Variants in SIDT1 observed in about 807,000 individuals in gnomAD.
SIDT1 encodes SID1 transmembrane family, member 1.
A neutral mutation model predicts 107.5 loss-of-function variants in SIDT1; 101 were observed. The ratio of observed to expected loss-of-function variants is 0.94; its 90% CI spans 0.80 to 1.11. The LOEUF (loss-of-function observed/expected upper bound fraction) is 1.11. Ranked by LOEUF, SIDT1 falls within the 50% of genes least tolerant of loss-of-function variation. The pLI is 0.00. For missense variants in SIDT1, 1,076 were observed against 1,058.2 expected (o/e 1.02, Z -0.23); for synonymous variants, 395 against 398.2 (o/e 0.99, Z 0.10).
chr3:113,553,838 G>T (rs1940546336), intron 1 of SIDT1, among the ~76,000 whole-genome samples: 1 of 152,170 alleles, frequency 6.6e-6, no homozygotes, highest in Non-Finnish European at 1.5e-5. Flanking sequence ...CTGGGGCCAG[G>T]AGTTCAAGAC....
rs1028026650 is a variant in SIDT1, at chr3:113,539,191, T to C, written c.222+5948T>C. ...CCTAATAGCCTATAATGATGATCAA[T>C]GAGATTTTACTTAGCATAATCATGA... On this transcript the variant is annotated intron_variant, in intron 1 of 24. Transcript: ENST00000264852. 5.3e-5 allele frequency among the ~76,000 whole-genome samples: 8 copies of C among 152,364 alleles called. No individual in the cohort carries two copies. In the East Asian group the frequency reaches 1.5e-3, roughly 29 times the overall value.
intron 10 of SIDT1, among the ~76,000 whole-genome samples, chr3:113,595,770 C>T (rs77961126): frequency 3.9e-5 from 6 of 152,044 alleles, no homozygotes; most frequent in Non-Finnish European, 7.4e-5. Context: ...AAATAAGGAA[C>T]CTTTGTAAGG....
rs147079482 is a variant in SIDT1 at position 113,585,010 on chromosome 3, C to T, written c.908-167C>T. On this transcript the variant is annotated intron_variant, in intron 8 of 24. Coordinates refer to ENST00000264852, the MANE Select transcript of SIDT1 (RefSeq NM_017699.3). ...AAGTCATCATTGTGAAAGGTAGCTA[C>T]TGTGGATAATGTCTGGGGACCTCCA... Among the ~76,000 whole-genome samples, 392 of 152,306 alleles carry T rather than the reference C, an allele frequency of 2.6e-3. 1 individual carries two copies. The highest frequency in any genetic ancestry group is 8.9e-3 in the African/African-American group (368 of 41,558).
rs768563685 is a variant in SIDT1, at chr3:113,532,814, C to A, written c.-208C>A. 64 of 402,338 alleles carry A rather than the reference C, an allele frequency of 1.6e-4. No homozygotes were observed. The highest frequency in any genetic ancestry group is 2.7e-4 in the Non-Finnish European group (62 of 229,882). The allele number at this position is 402,338 out of a possible 1,614,324, so 24.9% of individuals were successfully genotyped here. On this transcript the variant is annotated 5_prime_UTR_variant, in exon 1 of 25. Coordinates refer to ENST00000264852, the MANE Select transcript of SIDT1 (RefSeq NM_017699.3). ...GTCCGCCCTACTCTCCACCCGTGAC[C>A]TCCAGTGGAGACCCCAGGCGGCAGC...
intron 24 of SIDT1, among the ~76,000 whole-genome samples, chr3:113,627,408 A>G (rs1946929107): frequency 6.6e-6 from 1 of 152,230 alleles, no homozygotes; most frequent in African/African-American, 2.4e-5. Context: ...ATTACCAACT[A>G]TATCTCCATA....
chr3:113,594,506 A>T (rs1385829648), intron 10 of SIDT1, among the ~76,000 whole-genome samples: 2 of 152,124 alleles, frequency 1.3e-5, no homozygotes, highest in African/African-American at 4.8e-5. Flanking sequence ...CTGAATGGTT[A>T]GTCTGTTATT....
In SIDT1 at chr3:113,532,873, G is replaced by A. The variant is rs1376031640; in HGVS notation, c.-149G>A. The stretch of plus-strand genomic sequence containing the variant: ...TTGATCGGCCCTTCGTCAGCACGCT[G>A]CCAGCCCTGGCCGGCTGGGTTCGCC... On this transcript the variant is annotated 5_prime_UTR_variant, in exon 1 of 25. Coordinates refer to ENST00000264852, the MANE Select transcript of SIDT1 (RefSeq NM_017699.3). The A allele has an allele frequency of 2.5e-5, 12 of 479,768 alleles. No individual in the cohort carries two copies. The highest frequency in any genetic ancestry group is 6.1e-5 in the African/African-American group (3 of 49,110). 29.7% of individuals were successfully genotyped at this position (479,768 alleles called of 1,614,324 possible).
chr3:113,619,369 C>T (rs1946310285), intron 20 of SIDT1, among the ~76,000 whole-genome samples: 1 of 152,136 alleles, frequency 6.6e-6, no homozygotes, highest in Non-Finnish European at 1.5e-5. Context: ...CAACACATAC[C>T]ACCAGCCTCT....
chr3:113,582,782 T>A (rs1190381353), intron 6 of SIDT1, among the ~76,000 whole-genome samples: 3 of 151,490 alleles, frequency 2.0e-5, no homozygotes, highest in Non-Finnish European at 4.4e-5. Context: ...ATGCCTGAAA[T>A]AAAAAAAATA....
At chr3:113,579,378 A>G (rs183495419) in intron 4 of SIDT1, among the ~76,000 whole-genome samples, 41 of 152,356 alleles carry the variant, frequency 2.7e-4, no homozygotes, top group Admixed American at 1.0e-3. Flanking sequence ...AACAGTAATC[A>G]TAGTAATGCT....
chr3:113,565,483 G>A (rs1941815732), intron 1 of SIDT1, among the ~76,000 whole-genome samples: 1 of 152,056 alleles, frequency 6.6e-6, no homozygotes, highest in Non-Finnish European at 1.5e-5. Context: ...CCAAGATCAT[G>A]CCACTGCACT....
intron 10 of SIDT1, among the ~76,000 whole-genome samples, chr3:113,594,134 A>G (rs187974249): frequency 8.0e-4 from 122 of 151,886 alleles, no homozygotes; most frequent in Non-Finnish European, 1.4e-3. Flanking sequence ...ACTTTAACTC[A>G]CCCCCTACCC....
chr3:113,540,340 T>G (rs1263035541), intron 1 of SIDT1, among the ~76,000 whole-genome samples: 1 of 152,126 alleles, frequency 6.6e-6, no homozygotes, highest in East Asian at 1.9e-4. Context: ...TCAGCATGAG[T>G]CTTGGGGGAC....
chr3:113,601,657 T>C lies in SIDT1; in HGVS notation c.1115T>C (p.Ile372Thr). ...STPEGSNYGT[I>T]DESSSSPGRQ... The stretch of plus-strand genomic sequence containing the variant: ...CCCGAAGGGAGCAATTATGGGACAA[T>C]AGGTATGTCCTACCAGGTCTGTTCA... Residue 372 changes from isoleucine (I) to threonine (T), a missense_variant and splice_region_variant, in exon 11 of 25, where the codon ATA becomes ACA. Coordinates refer to ENST00000264852, the MANE Select transcript of SIDT1 (RefSeq NM_017699.3). The C allele has an allele frequency of 6.2e-7, 1 of 1,605,396 alleles. No homozygotes were observed. Among genetic ancestry groups the C allele is most frequent in the Non-Finnish European group, 8.5e-7 (1 of 1,172,104 alleles).
At chr3:113,606,633 C>T (rs568969088) in intron 14 of SIDT1, 3 of 155,144 alleles carry the variant, frequency 1.9e-5, no homozygotes, top group Admixed American at 1.3e-4. Flanking sequence ...GTCTACCTGC[C>T]TCATGTTTAC....
intron 3 of SIDT1, among the ~76,000 whole-genome samples, chr3:113,573,481 A>G (rs532679013): frequency 6.6e-6 from 1 of 152,340 alleles, no homozygotes; most frequent in South Asian, 2.1e-4. Context: ...TAAGGGGCTG[A>G]GTAGACACAG....
intron 4 of SIDT1, 65 bp from the exon 5 acceptor site, chr3:113,580,543 A>G: frequency 2.0e-6 from 2 of 999,962 alleles, no homozygotes; most frequent in Non-Finnish European, 3.2e-6. Context: ...TTTTGTGCCT[A>G]ATAGTAGAGG....
intron 3 of SIDT1, among the ~76,000 whole-genome samples, chr3:113,571,699 C>G (rs1942471563): frequency 6.6e-6 from 1 of 152,136 alleles, no homozygotes; most frequent in Non-Finnish European, 1.5e-5. Context: ...TTTGGGAGAC[C>G]AAGGCGGGCA....
At chr3:113,624,456 A>G (rs955602836) in intron 23 of SIDT1, among the ~76,000 whole-genome samples, 2 of 152,200 alleles carry the variant, frequency 1.3e-5, no homozygotes, top group Non-Finnish European at 2.9e-5. Context: ...TTGCTGAAAA[A>G]TATTCCGTTG....
Sources: allele counts gnomAD v4.1 joint callset (sites outside exome capture counted in the v4.1 genomes callset), GRCh38; gene constraint gnomAD v4.1.1; transcripts MANE v1.5; gene names NCBI Gene and HGNC (gene_info 2026-07-23, HGNC 2026-07-21).